The following HBS1L variants were observed in gnomAD, a reference collection of about 807,000 sequenced individuals.
HBS1L encodes HBS1 like translational GTPase, also known as HBS1-like protein.
HBS1L carries 55 observed loss-of-function variants against 88.9 expected under a neutral mutation model. The ratio of observed to expected loss-of-function variants is 0.62; its 90% CI spans 0.50 to 0.77. The LOEUF is 0.77. HBS1L is among the 30% of genes least tolerant of loss of function. HBS1L has a pLI of 0.00. For missense variants in HBS1L, 741 were observed against 829.3 expected (o/e 0.89, Z 1.31); for synonymous variants, 267 against 288.5 (o/e 0.93, Z 0.76).
At chr6:135,003,202 C>T (rs1249857603) in intron 4 of HBS1L, among the ~76,000 whole-genome samples, 1 of 152,120 alleles carries the variant, frequency 6.6e-6, no homozygotes, top group Admixed American at 6.6e-5. Context: ...CACCCTTTCA[C>T]AATACTAAAA....
chr6:135,036,744 G>A (rs1197121705), intron 4 of HBS1L: 4 of 1,551,192 alleles, frequency 2.6e-6, no homozygotes, highest in Admixed American at 2.0e-5. Flanking sequence ...TTTTCAGTGG[G>A]TAACGAAGAC....
chr6:135,029,117 T>C (rs1776316269), intron 4 of HBS1L, among the ~76,000 whole-genome samples: 1 of 152,026 alleles, frequency 6.6e-6, no homozygotes, highest in Non-Finnish European at 1.5e-5. Context: ...AAGATACAAA[T>C]GTAAAATAAT....
rs987019619 is a variant in HBS1L at position 134,965,038 on chromosome 6, T to C, written c.*241A>G. 9.2e-6 allele frequency: 5 copies of C among 543,628 alleles called. No homozygotes were observed. The highest frequency in any genetic ancestry group is 1.6e-5 in the Non-Finnish European group (5 of 308,404). 33.7% of individuals were successfully genotyped at this position (543,628 alleles called of 1,614,324 possible). On this transcript the variant is annotated 3_prime_UTR_variant, in exon 18 of 18. Coordinates refer to ENST00000367837, the MANE Select transcript of HBS1L (RefSeq NM_006620.4). The stretch of plus-strand genomic sequence containing the variant: ...CATAAATCTTAGCAAAGTAAATCCA[T>C]TTATTAACGTTTCAAAGGCAAAGTT...
At position 135,039,692 on chromosome 6, in the gene HBS1L, G is replaced by A; in HGVS notation, c.311C>T (p.Ala104Val). 6.2e-7 allele frequency: 1 copy of A among 1,613,882 alleles called. No homozygotes were observed. Among genetic ancestry groups the A allele is most frequent in the African/African-American group, 1.3e-5 (1 of 75,046 alleles). ...DAVPDEILIEAVLKNKFDVQK... is the reference protein window; with the variant it reads ...DAVPDEILIEVVLKNKFDVQK... ...CACATCAAACTTGTTCTTCAGAACT[G>A]CTTCAATTAATATTTCATCTGGCAC... The change falls in exon 4 of 18, where the codon GCA (alanine) becomes GTA (valine). Residue 104 changes from alanine (A) to valine (V), a missense_variant. Physicochemically the swap from Ala to Val is moderately conservative, Grantham distance 64. Around this residue, in one of 3 missense-constraint regions of HBS1L, gnomAD observed 556 missense variants for 598.4 expected, o/e 0.93. Transcript: ENST00000367837.
In HBS1L at chr6:135,002,773, A is replaced by G. The variant is rs140770555; in HGVS notation, c.500T>C (p.Val167Ala). 2.9e-5 allele frequency: 46 copies of G among 1,613,358 alleles called. No individual in the cohort carries two copies. In the African/African-American group the frequency reaches 5.1e-4, roughly 18 times the overall value. The change falls in exon 5 of 18, where the codon GTA becomes GCA. Residue 167 changes from valine (V) to alanine (A), a missense_variant. Val to Ala is a moderately conservative substitution (Grantham distance 64, BLOSUM62 0). Around this residue, in one of 3 missense-constraint regions of HBS1L, gnomAD observed 556 missense variants for 598.4 expected, o/e 0.93. Transcript: ENST00000367837. ...TCCCATAGTTTGCTTCTTTCCAGAT[A>G]CAGTCATTTTAGCAACTTTTGGCAC... is the stretch of plus-strand genomic sequence containing the variant. Reference protein sequence around the residue: ...EIVPKVAKMTVSGKKQTMGFE... With the variant: ...EIVPKVAKMTASGKKQTMGFE...
At chr6:135,033,070 A>G (rs902640648) in intron 4 of HBS1L, among the ~76,000 whole-genome samples, 4 of 152,218 alleles carry the variant, frequency 2.6e-5, no homozygotes, top group African/African-American at 9.6e-5. Flanking sequence ...TCCATCCATG[A>G]ACAACATCAG....
At chr6:134,974,713 C>G (rs1418802773) in intron 15 of HBS1L, among the ~76,000 whole-genome samples, 1 of 151,616 alleles carries the variant, frequency 6.6e-6, no homozygotes, top group Non-Finnish European at 1.5e-5. Context: ...ATCCAGGATC[C>G]CTTAATGATA....
intron 9 of HBS1L, among the ~76,000 whole-genome samples, chr6:134,987,243 A>C (rs879033300): frequency 6.6e-6 from 1 of 152,136 alleles, no homozygotes; most frequent in Admixed American, 6.5e-5. Context: ...GCAGATGATA[A>C]AACAGATAAC....
At chr6:135,048,339 C>G (rs115287800) in intron 2 of HBS1L, among the ~76,000 whole-genome samples, 3 of 152,310 alleles carry the variant, frequency 2.0e-5, no homozygotes, top group East Asian at 1.9e-4. Context: ...CCAGACAACA[C>G]GACCAGCCAG....
At chr6:134,997,830 C>T (rs1775336139) in intron 5 of HBS1L, among the ~76,000 whole-genome samples, 174 bp from the exon 6 acceptor site, 1 of 152,058 alleles carries the variant, frequency 6.6e-6, no homozygotes, top group Non-Finnish European at 1.5e-5. Context: ...TAGACTCAAA[C>T]CACACAAATA....
chr6:134,987,717 T>C lies in HBS1L; in HGVS notation c.1158A>G (p.Thr386=). 1 of 1,610,038 alleles carries C rather than the reference T, an allele frequency of 6.2e-7. No homozygotes were observed. The highest frequency in any genetic ancestry group is 8.5e-7 in the Non-Finnish European group (1 of 1,178,076). ...AACGGACCAAGAGTCCATGCTCTCGTGTTTGTCCTCCAGTCTCAAATCCAG... is the reference window on the plus strand; with the variant it reads ...AACGGACCAAGAGTCCATGCTCTCGCGTTTGTCCTCCAGTCTCAAATCCAG... ...FEAGFETGGQ[T]REHGLLVRSL... Residue 386 remains threonine, a synonymous_variant, in exon 9 of 18, where the codon ACA becomes ACG. Transcript: ENST00000367837.
intron 4 of HBS1L, among the ~76,000 whole-genome samples, chr6:135,010,474 T>C (rs888588144): frequency 1.3e-5 from 2 of 152,258 alleles, no homozygotes; most frequent in African/African-American, 4.8e-5. Flanking sequence ...TGTTTACTGA[T>C]AATTTTTGGT....
intron 17 of HBS1L, among the ~76,000 whole-genome samples, chr6:134,965,788 T>C (rs1022969871): frequency 1.3e-5 from 2 of 152,178 alleles, no homozygotes; most frequent in South Asian, 4.1e-4. Context: ...CCGCCTTCCA[T>C]ATGTATTTTA....
intron 4 of HBS1L, 40 bp from the exon 5 acceptor site, chr6:135,002,882 T>G: frequency 8.3e-7 from 1 of 1,211,150 alleles, no homozygotes; most frequent in Non-Finnish European, 1.2e-6. Flanking sequence ...ATTAATTTCT[T>G]TAGTAATATA....
intron 2 of HBS1L, among the ~76,000 whole-genome samples, chr6:135,046,336 G>A (rs1776910861): frequency 6.8e-6 from 1 of 146,654 alleles, no homozygotes; most frequent in South Asian, 2.2e-4. Flanking sequence ...ATTTATAAAT[G>A]TATTAGAATA....
chr6:135,026,775 CT>C (rs1240486818), intron 4 of HBS1L: 4 of 151,410 alleles, frequency 2.6e-5, no homozygotes, highest in African/African-American at 9.7e-5. Context: ...GTTCATGTAT[CT>C]TTATATATCA....
At chr6:134,977,342 T>A (rs752735250) in intron 15 of HBS1L, among the ~76,000 whole-genome samples, 3 of 152,014 alleles carry the variant, frequency 2.0e-5, no homozygotes, top group African/African-American at 7.2e-5. Context: ...TGAGTAAAAA[T>A]ATGCAGTAAC....
At position 134,962,198 on chromosome 6, in the gene HBS1L, A is replaced by G. The variant is rs1283667650; in HGVS notation, c.*3081T>C. ...TTTTTTGAAAACTGTATAATTTTGA[A>G]TAACTTCTATATATCAGGATCTGTA... On this transcript the variant is annotated 3_prime_UTR_variant, in exon 18 of 18. Coordinates refer to ENST00000367837, the MANE Select transcript of HBS1L (RefSeq NM_006620.4). 6.6e-6 allele frequency: 1 copy of G among 152,174 alleles called. No individual in the cohort carries two copies. Among genetic ancestry groups the G allele is most frequent in the Admixed American group, 6.5e-5 (1 of 15,270 alleles). 9.4% of individuals were successfully genotyped at this position (152,174 alleles called of 1,614,324 possible).
chr6:134,989,794 C>T (rs1014134155), intron 8 of HBS1L, among the ~76,000 whole-genome samples: 1 of 152,126 alleles, frequency 6.6e-6, no homozygotes, highest in Non-Finnish European at 1.5e-5. Flanking sequence ...CATTAATTTC[C>T]TCAATGAGAT....
Sources: allele counts gnomAD v4.1 joint callset (sites outside exome capture counted in the v4.1 genomes callset), GRCh38; gene constraint gnomAD v4.1.1; regional missense constraint gnomAD v4.1.1; transcripts MANE v1.5; gene names NCBI Gene and HGNC (gene_info 2026-07-23, HGNC 2026-07-21).